C12orf42: variants seen among roughly 807,000 people sequenced by gnomAD.
C12orf42 encodes uncharacterized protein C12orf42.
Under a neutral mutation model 21.6 loss-of-function variants are expected in C12orf42, and 25 were observed. The observed-to-expected ratio is 1.16, with a 90% CI of 0.84 to 1.62. The LOEUF (loss-of-function observed/expected upper bound fraction) is 1.62, where lower values mean the gene tolerates loss of function less well. Among genes scored for constraint, C12orf42 ranks in the 40% most tolerant of loss-of-function variants. The pLI, the probability that C12orf42 is intolerant of heterozygous loss-of-function variation, is 0.00. For synonymous variants in C12orf42, 174 were observed against 175.0 expected (o/e 0.99, Z 0.05); for missense variants, 483 against 459.3 (o/e 1.05, Z -0.47).
the C12orf42 span, among the ~76,000 whole-genome samples, chr12:103,158,694 C>A: frequency 6.6e-6 from 1 of 152,058 alleles, no homozygotes; most frequent in African/African-American, 2.4e-5. Context: ...GCCCGGCCAA[C>A]ATGGTGAAAC....
chr12:103,053,943 T>C, the C12orf42 span, among the ~76,000 whole-genome samples: 1 of 151,924 alleles, frequency 6.6e-6, no homozygotes, highest in Non-Finnish European at 1.5e-5. Context: ...AATTTTTATT[T>C]CATTGATTTA....
chr12:103,363,905 C>A (rs1165105821), intron 4 of C12orf42, among the ~76,000 whole-genome samples: 1 of 151,972 alleles, frequency 6.6e-6, no homozygotes, highest in East Asian at 1.9e-4. Context: ...TGGAGGATTT[C>A]AATACTCCAC....
chr12:103,272,143 T>G (rs2035510391), intron 5 of C12orf42, among the ~76,000 whole-genome samples: 1 of 152,114 alleles, frequency 6.6e-6, no homozygotes, highest in African/African-American at 2.4e-5. Context: ...ACTAAATTAC[T>G]TGAAGCATTA....
chr12:103,213,911 G>A, the C12orf42 span, among the ~76,000 whole-genome samples: 1 of 152,116 alleles, frequency 6.6e-6, no homozygotes, highest in Admixed American at 6.5e-5. Flanking sequence ...CATTTTCCAT[G>A]GATTGATACC....
downstream of C12orf42, among the ~76,000 whole-genome samples, chr12:103,301,191 A>T (rs551318372): frequency 9.4e-4 from 143 of 152,114 alleles, no homozygotes; most frequent in African/African-American, 3.1e-3. Context: ...AGAAAAAAAA[A>T]TTTTTTTTAA....
the C12orf42 span, among the ~76,000 whole-genome samples, chr12:103,132,346 T>C: frequency 1.9e-4 from 13 of 69,292 alleles, no homozygotes; most frequent in African/African-American, 6.3e-4. Flanking sequence ...AATGGCTCCC[T>C]AACATGGGAA....
At chr12:103,280,782 C>A (rs1399842415) in intron 4 of C12orf42, among the ~76,000 whole-genome samples, 1 of 152,210 alleles carries the variant, frequency 6.6e-6, no homozygotes, top group East Asian at 1.9e-4. Context: ...ACTTAGTCCA[C>A]CACACGAACC....
intron 2 of C12orf42, among the ~76,000 whole-genome samples, chr12:103,418,706 G>C (rs886784397): frequency 7.2e-5 from 11 of 151,818 alleles, no homozygotes; most frequent in African/African-American, 2.7e-4. Context: ...ACAGGAAGAG[G>C]GGCCAGTTCA....
At chr12:103,420,313 T>C (rs575224939) in intron 2 of C12orf42, among the ~76,000 whole-genome samples, 27 of 152,320 alleles carry the variant, frequency 1.8e-4, no homozygotes, top group South Asian at 1.2e-3. Context: ...AAAGTACACA[T>C]TGGGGACTTC....
intron 4 of C12orf42, among the ~76,000 whole-genome samples, chr12:103,352,887 T>C (rs2043218308): frequency 6.6e-6 from 1 of 152,096 alleles, no homozygotes; most frequent in South Asian, 2.1e-4. Context: ...GTTCAAGGAA[T>C]GTTAGTTGTT....
At chr12:103,470,872 C>T (rs1020803336) in intron 2 of C12orf42, among the ~76,000 whole-genome samples, 3 of 152,110 alleles carry the variant, frequency 2.0e-5, no homozygotes, top group Non-Finnish European at 4.4e-5. Flanking sequence ...AGAGAAGAAG[C>T]TTCCAGATCA....
At chr12:103,520,175 A>T in the C12orf42 span, among the ~76,000 whole-genome samples, 1 of 152,144 alleles carries the variant, frequency 6.6e-6, no homozygotes, top group Non-Finnish European at 1.5e-5. Flanking sequence ...TGTACCCCTT[A>T]TAAGGGAACA....
chr12:103,360,952 C>T (rs1469458064), intron 4 of C12orf42, among the ~76,000 whole-genome samples: 1 of 152,122 alleles, frequency 6.6e-6, no homozygotes. Flanking sequence ...CCAGTTTATA[C>T]TCTTGCACCA....
chr12:103,160,365 T>A, the C12orf42 span, among the ~76,000 whole-genome samples: 1 of 152,244 alleles, frequency 6.6e-6, no homozygotes, highest in Non-Finnish European at 1.5e-5. Context: ...CAGAAGTCAA[T>A]GTGAAAGGTT....
intron 4 of C12orf42, among the ~76,000 whole-genome samples, chr12:103,292,010 A>C (rs1042642660): frequency 8.5e-5 from 13 of 152,206 alleles, no homozygotes; most frequent in Admixed American, 2.0e-4. Context: ...AAAGGTGGAC[A>C]CAGCCCCAAT....
At chr12:103,358,911 G>C (rs373756757) in intron 4 of C12orf42, among the ~76,000 whole-genome samples, 14 of 151,936 alleles carry the variant, frequency 9.2e-5, no homozygotes, top group Admixed American at 9.2e-4. Flanking sequence ...CTAAAATCTT[G>C]AATAATCTCC....
chr12:103,545,034 A>G, the C12orf42 span, among the ~76,000 whole-genome samples: 1 of 152,198 alleles, frequency 6.6e-6, no homozygotes, highest in Non-Finnish European at 1.5e-5. Flanking sequence ...TAAAAACTCA[A>G]CTTAGCTGGG....
At chr12:103,050,677 C>A in the C12orf42 span, among the ~76,000 whole-genome samples, 1 of 151,836 alleles carries the variant, frequency 6.6e-6, no homozygotes, top group African/African-American at 2.4e-5. Context: ...ATTGCAGAGA[C>A]CCAGATAACC....
intron 2 of C12orf42, among the ~76,000 whole-genome samples, chr12:103,419,984 T>A (rs1440385244): frequency 6.6e-6 from 1 of 152,198 alleles, no homozygotes; most frequent in Admixed American, 6.5e-5. Flanking sequence ...TTGTTTTGCA[T>A]AAACAATTAT....
Sources: gnomAD v4.1 joint callset for allele counts (sites outside exome capture counted in the v4.1 genomes callset) on GRCh38, gnomAD v4.1.1 for gene constraint, MANE v1.5 for transcripts, NCBI Gene and HGNC (gene_info 2026-07-23, HGNC 2026-07-21) for gene names.